CAPS: variants seen among roughly 807,000 people sequenced by gnomAD.
CAPS encodes the protein calcyphosine, also known as calcyphosin.
CAPS carries 16 observed loss-of-function variants against 15.5 expected under a neutral mutation model. The observed-to-expected ratio is 1.03, with a 90% CI of 0.70 to 1.57. CAPS has a LOEUF of 1.57. Ranked by LOEUF, CAPS falls within the 40% of genes most tolerant of loss-of-function variation. The probability of loss-of-function intolerance (pLI) is 0.00; values close to 1 mark genes in which losing one functional copy is unlikely to be tolerated. For missense variants in CAPS, 294 were observed against 278.4 expected (o/e 1.06, Z -0.40); for synonymous variants, 121 against 116.0 (o/e 1.04, Z -0.28).
chr19:5,915,101 G>A lies in CAPS; in HGVS notation c.423G>A (p.Leu141=). 2 of 1,613,214 alleles carry A rather than the reference G, an allele frequency of 1.2e-6. No individual in the cohort carries two copies. Among genetic ancestry groups the A allele is most frequent in the African/African-American group, 1.3e-5 (1 of 75,040 alleles). ...GGGAGTGGACCGAGGACGAGGTGCTGCGCCGCTTCCTGGACAACTTCGACT... is the reference window on the plus strand; with the variant it reads ...GGGAGTGGACCGAGGACGAGGTGCTACGCCGCTTCCTGGACAACTTCGACT... ...RSGEWTEDEV[L]RRFLDNFDSS... The change falls in exon 4 of 5, where the codon CTG becomes CTA. Residue 141 remains leucine (L), a synonymous_variant. Coordinates refer to ENST00000588776, the MANE Select transcript of CAPS (RefSeq NM_004058.5).
chr19:5,915,330 CG>C lies in CAPS; in HGVS notation c.*10del, dbSNP rs1568438882. The C allele has an allele frequency of 6.3e-7, 1 of 1,592,506 alleles. No individual in the cohort carries two copies. The highest frequency in any genetic ancestry group is 1.3e-5 in the African/African-American group (1 of 74,698). On this transcript the variant is annotated 3_prime_UTR_variant, in exon 5 of 5. Coordinates refer to ENST00000588776, the MANE Select transcript of CAPS (RefSeq NM_004058.5). The stretch of plus-strand genomic sequence containing the variant: ...AGTGCCTGGCAGCTGTGAGCAGCTC[CG>C]GCTCAGCCCTGCTGCCCTGGCCTGT...
At position 5,915,054 on chromosome 19, in the gene CAPS, GC is replaced by G. The variant is rs752275912; in HGVS notation, c.379del (p.His127ThrfsTer43). 1 of 1,612,944 alleles carries G rather than the reference GC, an allele frequency of 6.2e-7. No individual in the cohort carries two copies. Among genetic ancestry groups the G allele is most frequent in the Non-Finnish European group, 8.5e-7 (1 of 1,179,896 alleles). On this transcript the variant is annotated frameshift_variant, in exon 4 of 5. Coordinates refer to ENST00000588776, the MANE Select transcript of CAPS (RefSeq NM_004058.5). LOFTEE classifies it high-confidence loss of function. The stretch of plus-strand genomic sequence containing the variant: ...CCTCCGCGGGGTGTACAGTGGCCGT[GC>G]CCACCCCAAGGTGCGCAGTGGGGAG... Reference protein sequence around the residue: ...DDLRGVYSGRAHPKVRSGEWT... With the variant: ...DDLRGVYSGRXHPKVRSGEWT...
chr19:5,914,528 G>A (rs752059186), intron 2 of CAPS, 35 bp from the exon 3 acceptor site: 1 of 1,605,126 alleles, frequency 6.2e-7, no homozygotes. Flanking sequence ...CCCGGCCCCT[G>A]AGACCACTGT....
rs965518708 is a variant in CAPS at position 5,915,021 on chromosome 19, G to A, written c.343G>A (p.Val115Met). The change falls in exon 4 of 5, where the codon GTG (valine) becomes ATG (methionine). Residue 115 changes from valine to methionine, a missense_variant. By Grantham distance (21) the Val-to-Met change is conservative. Coordinates refer to ENST00000588776, the MANE Select transcript of CAPS (RefSeq NM_004058.5). ...LDRSGDGVVT[V>M]DDLRGVYSGR... ...CCGCAGTGGGGACGGCGTCGTGACG[G>A]TGGACGACCTCCGCGGGGTGTACAG... 6 of 1,612,412 alleles carry A rather than the reference G, an allele frequency of 3.7e-6. No individual in the cohort carries two copies. In the African/African-American group the frequency reaches 5.3e-5, roughly 14 times the overall value.
rs771793574 is a variant in CAPS at position 5,914,776 on chromosome 19, G to A, written c.261+36G>A. 29 of 1,582,694 alleles carry A rather than the reference G, an allele frequency of 1.8e-5. No homozygotes were observed. The Admixed American group carries it at 5.0e-4, about 27-fold the overall frequency. ...ACCTCACAGTCAAGGCGTGTGCCCTGGGCATGGGGCGACAGAGGATGCTGA... is the reference window on the plus strand; with the variant it reads ...ACCTCACAGTCAAGGCGTGTGCCCTAGGCATGGGGCGACAGAGGATGCTGA... On this transcript the variant is annotated intron_variant, in intron 3 of 4. Coordinates refer to ENST00000588776, the MANE Select transcript of CAPS (RefSeq NM_004058.5).
rs943106733 is a variant in CAPS, at chr19:5,914,985, G to A, written c.307G>A (p.Ala103Thr). Residue 103 changes from alanine to threonine, a missense_variant, in exon 4 of 5, where the codon GCC becomes ACC. Physicochemically the swap from Ala to Thr is moderately conservative, Grantham distance 58. Coordinates refer to ENST00000588776, the MANE Select transcript of CAPS (RefSeq NM_004058.5). ...AREAVIAAAF[A>T]KLDRSGDGVV... is the part of the protein sequence containing the mutation. ...GGAGGCTGTCATCGCAGCTGCATTT[G>A]CCAAGCTGGACCGCAGTGGGGACGG... The A allele has an allele frequency of 9.3e-6, 15 of 1,610,338 alleles. No individual in the cohort carries two copies. Among genetic ancestry groups the A allele is most frequent in the African/African-American group, 1.3e-5 (1 of 75,050 alleles).
Position 5,914,619 on chromosome 19 carries a change from G to A in CAPS, c.140G>A (p.Arg47Gln), listed in dbSNP as rs367676597. 2.7e-5 allele frequency: 44 copies of A among 1,613,650 alleles called. 1 individual carries two copies. Among genetic ancestry groups the A allele is most frequent in the South Asian group, 2.3e-4 (21 of 91,068 alleles). The change falls in exon 3 of 5, where the codon CGG (arginine) becomes CAG (glutamine). Residue 47 changes from arginine (R) to glutamine (Q), a missense_variant. Coordinates refer to ENST00000588776, the MANE Select transcript of CAPS (RefSeq NM_004058.5). Reference sequence around the variant, plus strand: ...AGATCCCTGGACGCTGATGAGTTCCGGCAGGGTCTGGCCAAACTCGGGCTG... The same window carrying A: ...AGATCCCTGGACGCTGATGAGTTCCAGCAGGGTCTGGCCAAACTCGGGCTG... The part of the protein sequence containing the change: ...GSRSLDADEF[R>Q]QGLAKLGLVL...
chr19:5,914,755 C>G lies in CAPS; in HGVS notation c.261+15C>G. The G allele has an allele frequency of 6.2e-7, 1 of 1,600,558 alleles. No individual in the cohort carries two copies. Among genetic ancestry groups the G allele is most frequent in the South Asian group, 1.1e-5 (1 of 88,910 alleles). On this transcript the variant is annotated intron_variant, in intron 3 of 4. Coordinates refer to ENST00000588776, the MANE Select transcript of CAPS (RefSeq NM_004058.5). ...GGGCGCTGCGGGTGAGCCCCCACCT[C>G]ACAGTCAAGGCGTGTGCCCTGGGCA...
In CAPS at chr19:5,915,287, T is replaced by A. The variant is rs762391474; in HGVS notation, c.535T>A (p.Phe179Ile). The A allele has an allele frequency of 6.2e-6, 10 of 1,612,130 alleles. No individual in the cohort carries two copies. The highest frequency in any genetic ancestry group is 8.5e-6 in the Non-Finnish European group (10 of 1,179,752). Residue 179 changes from phenylalanine to isoleucine, a missense_variant, in exon 5 of 5, where the codon TTC becomes ATC. Coordinates refer to ENST00000588776, the MANE Select transcript of CAPS (RefSeq NM_004058.5). ...TGCCTCCATGAACACGGATGAGGAGTTCGTGGCCATGATGACCAGTGCCTG... is the reference window on the plus strand; with the variant it reads ...TGCCTCCATGAACACGGATGAGGAGATCGTGGCCATGATGACCAGTGCCTG... ...VSASMNTDEE[F>I]VAMMTSAWQL
rs775618880 is a variant in CAPS at position 5,915,083 on chromosome 19, G to A, written c.405G>A (p.Trp135Ter). ...ACCCCAAGGTGCGCAGTGGGGAGTG[G>A]ACCGAGGACGAGGTGCTGCGCCGCT... ...RAHPKVRSGE[W>*]TEDEVLRRFL... The change falls in exon 4 of 5, where the codon TGG (tryptophan) becomes TGA (stop). Residue 135 changes from tryptophan (W) to a stop codon, truncating the protein, a stop_gained. Transcript: ENST00000588776. LOFTEE classifies it high-confidence loss of function. 1.9e-6 allele frequency: 3 copies of A among 1,613,074 alleles called. No homozygotes were observed. The African/African-American group carries it at 4.0e-5, about 22-fold the overall frequency.
rs2057713680 is a variant in CAPS at position 5,914,559 on chromosome 19, C to G, written c.84-4C>G. 1.2e-6 allele frequency: 2 copies of G among 1,604,432 alleles called. No individual in the cohort carries two copies. The highest frequency in any genetic ancestry group is 8.5e-7 in the Non-Finnish European group (1 of 1,173,196). Reference sequence around the variant, plus strand: ...ACTGTTCCAACCGTGTCCCCTGCCTCCAGGTTTTTCCGCCAACTAGACCGG... The same window carrying G: ...ACTGTTCCAACCGTGTCCCCTGCCTGCAGGTTTTTCCGCCAACTAGACCGG... On this transcript the variant is annotated splice_polypyrimidine_tract_variant and splice_region_variant and intron_variant, in intron 2 of 4. Coordinates refer to ENST00000588776, the MANE Select transcript of CAPS (RefSeq NM_004058.5).
Position 5,914,348 on chromosome 19 carries a change from T to A in CAPS, c.-22-37T>A, listed in dbSNP as rs2057711087. Reference sequence around the variant, plus strand: ...CAAGGGGCAGTCGGCCAGGGTGGGCTTGCGGGAGTCCCCACCTTGACCTCT... The same window carrying A: ...CAAGGGGCAGTCGGCCAGGGTGGGCATGCGGGAGTCCCCACCTTGACCTCT... On this transcript the variant is annotated intron_variant, in intron 1 of 4. Coordinates refer to ENST00000588776, the MANE Select transcript of CAPS (RefSeq NM_004058.5). The A allele has an allele frequency of 2.5e-6, 4 of 1,612,758 alleles. No homozygotes were observed. In the South Asian group the frequency reaches 4.4e-5, roughly 18 times the overall value.
At position 5,914,300 on chromosome 19, in the gene CAPS, C is replaced by G; in HGVS notation, c.-32C>G. ...CCCGCAGGCAGGACTCTGGGACAGA[C>G]GCAGGCCAGGTGAGCATCTGAACAA... On this transcript the variant is annotated 5_prime_UTR_variant, in exon 1 of 5. Coordinates refer to ENST00000588776, the MANE Select transcript of CAPS (RefSeq NM_004058.5). 1 of 1,602,058 alleles carries G rather than the reference C, an allele frequency of 6.2e-7. No individual in the cohort carries two copies. The highest frequency in any genetic ancestry group is 8.5e-7 in the Non-Finnish European group (1 of 1,175,174).
Position 5,915,015 on chromosome 19 carries a change from G to A in CAPS, c.337G>A (p.Val113Met), listed in dbSNP as rs78387443. ...AKLDRSGDGV[V>M]TVDDLRGVYS... The stretch of plus-strand genomic sequence containing the variant: ...GCTGGACCGCAGTGGGGACGGCGTC[G>A]TGACGGTGGACGACCTCCGCGGGGT... The change falls in exon 4 of 5, where the codon GTG (valine) becomes ATG (methionine). Residue 113 changes from valine (V) to methionine (M), a missense_variant. Coordinates refer to ENST00000588776, the MANE Select transcript of CAPS (RefSeq NM_004058.5). The A allele has an allele frequency of 1.5e-3, 2,471 of 1,612,194 alleles. 46 individuals carry two copies. In the African/African-American group the frequency reaches 0.03, roughly 19 times the overall value.
chr19:5,915,241 G>A lies in CAPS; in HGVS notation c.489G>A (p.Gln163=), dbSNP rs752121861. The part of the protein sequence containing the change: ...KDGQVTLAEF[Q]DYYSGVSASM... ...CCCAGGTCACACTGGCGGAATTCCA[G>A]GACTACTACAGCGGCGTGAGTGCCT... Residue 163 remains glutamine, a synonymous_variant, in exon 5 of 5, where the codon CAG becomes CAA. Coordinates refer to ENST00000588776, the MANE Select transcript of CAPS (RefSeq NM_004058.5). The A allele has an allele frequency of 6.2e-7, 1 of 1,613,058 alleles. No homozygotes were observed. Among genetic ancestry groups the A allele is most frequent in the Non-Finnish European group, 8.5e-7 (1 of 1,179,820 alleles).
Position 5,915,267 on chromosome 19 carries a change from C to A in CAPS, c.515C>A (p.Ser172Tyr). The A allele has an allele frequency of 6.2e-7, 1 of 1,613,080 alleles. No homozygotes were observed. The highest frequency in any genetic ancestry group is 8.5e-7 in the Non-Finnish European group (1 of 1,179,874). Residue 172 changes from serine (S) to tyrosine (Y), a missense_variant, in exon 5 of 5, where the codon TCC becomes TAC. Physicochemically the swap from Ser to Tyr is moderately radical, Grantham distance 144. Coordinates refer to ENST00000588776, the MANE Select transcript of CAPS (RefSeq NM_004058.5). ...GACTACTACAGCGGCGTGAGTGCCT[C>A]CATGAACACGGATGAGGAGTTCGTG... ...FQDYYSGVSA[S>Y]MNTDEEFVAM...
Position 5,914,730 on chromosome 19 carries a change from G to C in CAPS, c.251G>C (p.Arg84Pro), listed in dbSNP as rs756427610. 2 of 1,609,026 alleles carry C rather than the reference G, an allele frequency of 1.2e-6. No individual in the cohort carries two copies. The highest frequency in any genetic ancestry group is 2.2e-5 in the East Asian group (1 of 44,862). The change falls in exon 3 of 5, where the codon CGG becomes CCG. Residue 84 changes from arginine to proline, a missense_variant. Transcript: ENST00000588776. ...SGTLDLEEFL[R>P]ALRPPMSQAR... ...ACGCTGGATCTGGAGGAGTTCCTTC[G>C]GGCGCTGCGGGTGAGCCCCCACCTC...
chr19:5,914,988 A>C lies in CAPS; in HGVS notation c.310A>C (p.Lys104Gln), dbSNP rs1184252226. The C allele has an allele frequency of 6.2e-7, 1 of 1,610,676 alleles. No homozygotes were observed. Among genetic ancestry groups the C allele is most frequent in the Non-Finnish European group, 8.5e-7 (1 of 1,179,912 alleles). The change falls in exon 4 of 5, where the codon AAG becomes CAG. Residue 104 changes from lysine (K) to glutamine (Q), a missense_variant. Lys to Gln is a moderately conservative substitution (Grantham distance 53). Transcript: ENST00000588776. ...REAVIAAAFA[K>Q]LDRSGDGVVT... Reference sequence around the variant, plus strand: ...GGCTGTCATCGCAGCTGCATTTGCCAAGCTGGACCGCAGTGGGGACGGCGT... The same window carrying C: ...GGCTGTCATCGCAGCTGCATTTGCCCAGCTGGACCGCAGTGGGGACGGCGT...
rs1466818897 is a variant in CAPS at position 5,915,076 on chromosome 19, G to C, written c.398G>C (p.Gly133Ala). Residue 133 changes from glycine (G) to alanine (A), a missense_variant, in exon 4 of 5, where the codon GGG becomes GCG. Physicochemically the swap from Gly to Ala is moderately conservative, Grantham distance 60 (BLOSUM62 0). Transcript: ENST00000588776. ...SGRAHPKVRS[G>A]EWTEDEVLRR... Reference sequence around the variant, plus strand: ...CGTGCCCACCCCAAGGTGCGCAGTGGGGAGTGGACCGAGGACGAGGTGCTG... The same window carrying C: ...CGTGCCCACCCCAAGGTGCGCAGTGCGGAGTGGACCGAGGACGAGGTGCTG... The C allele has an allele frequency of 1.2e-6, 2 of 1,613,090 alleles. No individual in the cohort carries two copies. The highest frequency in any genetic ancestry group is 1.7e-6 in the Non-Finnish European group (2 of 1,179,932).
Sources: allele counts gnomAD v4.1 joint callset, GRCh38; gene constraint gnomAD v4.1.1; transcripts MANE v1.5; gene names NCBI Gene and HGNC (gene_info 2026-07-23, HGNC 2026-07-21).